RASAL2: variants seen among roughly 807,000 people sequenced by gnomAD.
RASAL2 encodes the protein RAS protein activator like 2.
A neutral mutation model predicts 128.9 loss-of-function variants in RASAL2; 58 were observed. That is an observed-to-expected ratio of 0.45 (90% CI 0.36 to 0.56). The LOEUF is 0.56. Ranked by LOEUF, RASAL2 falls within the 20% of genes least tolerant of loss-of-function variation. The pLI is 0.00. For synonymous variants in RASAL2, 561 were observed against 580.8 expected, an observed-to-expected ratio of 0.97 and a Z score of 0.49; for missense variants, 1,360 against 1,601.6, an observed-to-expected ratio of 0.85 and a Z score of 2.57.
chr1:178,356,715 T>C (rs989342005), intron 3 of RASAL2, among the ~76,000 whole-genome samples: 2 of 152,182 alleles, frequency 1.3e-5, no homozygotes, highest in South Asian at 4.1e-4. Context: ...AGTGGTTATC[T>C]ATAGGGTGAA....
At chr1:178,112,257 A>T (rs1234244896) in intron 1 of RASAL2, among the ~76,000 whole-genome samples, 1 of 152,136 alleles carries the variant, frequency 6.6e-6, no homozygotes, top group Non-Finnish European at 1.5e-5. Flanking sequence ...ATTTTATTTA[A>T]GAAATCATTG....
chr1:178,159,398 C>T (rs1661193281), intron 1 of RASAL2, among the ~76,000 whole-genome samples: 1 of 152,160 alleles, frequency 6.6e-6, no homozygotes. Flanking sequence ...GTAGACCTGA[C>T]ATATCTTATT....
intron 1 of RASAL2, among the ~76,000 whole-genome samples, chr1:178,180,636 A>AATTG (rs928856553): frequency 4.4e-5 from 6 of 135,836 alleles, no homozygotes; most frequent in Non-Finnish European, 7.9e-5. Context: ...CACTGCATTC[A>AATTG]AGCCTGGGTG....
chr1:178,162,884 G>T (rs1313115880), intron 1 of RASAL2, among the ~76,000 whole-genome samples: 1 of 151,336 alleles, frequency 6.6e-6, no homozygotes, highest in African/African-American at 2.4e-5. Flanking sequence ...GCCCAGCTGA[G>T]ATTTCTTTAT....
chr1:178,104,724 G>A (rs910977079), intron 1 of RASAL2, among the ~76,000 whole-genome samples: 1 of 152,044 alleles, frequency 6.6e-6, no homozygotes, highest in African/African-American at 2.4e-5. Context: ...ACGTTACTTA[G>A]CACATATTAA....
chr1:178,131,064 C>CAA (rs374904588), intron 1 of RASAL2, among the ~76,000 whole-genome samples: 2 of 132,806 alleles, frequency 1.5e-5, no homozygotes, highest in African/African-American at 5.6e-5. Context: ...CAAAAACAAA[C>CAA]AAAAAAAAAA....
chr1:178,196,394 A>G (rs1195066333), intron 1 of RASAL2, among the ~76,000 whole-genome samples: 1 of 152,184 alleles, frequency 6.6e-6, no homozygotes, highest in Non-Finnish European at 1.5e-5. Flanking sequence ...TAAGAGAGAA[A>G]GGCAAACCAA....
intron 1 of RASAL2, among the ~76,000 whole-genome samples, chr1:178,263,482 C>A (rs1199168139): frequency 6.6e-5 from 10 of 152,222 alleles, no homozygotes; most frequent in Non-Finnish European, 1.3e-4. Flanking sequence ...GGCAGTCTGA[C>A]TCCAAAGTCT....
chr1:178,144,072 C>T (rs1008668605), intron 1 of RASAL2, among the ~76,000 whole-genome samples: 24 of 152,030 alleles, frequency 1.6e-4, no homozygotes, highest in Non-Finnish European at 3.1e-4. Context: ...TTTCTATTTC[C>T]CTCTCTGTCT....
At chr1:178,150,752 A>G (rs1186852167) in intron 1 of RASAL2, among the ~76,000 whole-genome samples, 1 of 152,136 alleles carries the variant, frequency 6.6e-6, no homozygotes, top group African/African-American at 2.4e-5. Context: ...CCCCAAATCA[A>G]TACTTGTGTT....
rs113499382 is a variant in RASAL2, at chr1:178,288,644, T to C, written c.330+4953T>C. 5.5e-3 allele frequency among the ~76,000 whole-genome samples: 404 copies of C among 73,800 alleles called. 1 individual carries two copies. Among genetic ancestry groups the C allele is most frequent in the East Asian group, 0.036 (108 of 3,032 alleles). The allele number at this position is 73,800 out of a possible 152,430, so 48.4% of individuals were successfully genotyped here. On this transcript the variant is annotated intron_variant, in intron 2 of 17. Coordinates refer to ENST00000367649, the MANE Select transcript of RASAL2 (RefSeq NM_170692.4). The stretch of plus-strand genomic sequence containing the variant: ...TCAGCATGCTATTCTTTCTCTCTCT[T>C]TTTTTTTTTTTTTTTTTTTTTTTTG...
At chr1:178,379,756 CAGA>C (rs571973051) in intron 3 of RASAL2, among the ~76,000 whole-genome samples, 94 of 152,106 alleles carry the variant, frequency 6.2e-4, no homozygotes, top group African/African-American at 2.3e-3. Context: ...AAGTGTAGAA[CAGA>C]AGATGTTCTT....
intron 1 of RASAL2, among the ~76,000 whole-genome samples, chr1:178,223,301 T>C (rs1009769913): frequency 2.0e-5 from 3 of 152,116 alleles, no homozygotes; most frequent in Non-Finnish European, 4.4e-5. Flanking sequence ...GAGAGATGCA[T>C]TGGGCTGTAA....
chr1:178,244,045 G>A (rs746267968), intron 1 of RASAL2, among the ~76,000 whole-genome samples: 4 of 151,992 alleles, frequency 2.6e-5, no homozygotes, highest in Admixed American at 6.6e-5. Flanking sequence ...CTTTTCCAAC[G>A]TCACTTTCAT....
At chr1:178,382,599 A>ACATGGG (rs61572430) in intron 3 of RASAL2, among the ~76,000 whole-genome samples, 24,753 of 151,936 alleles carry the variant, frequency 0.16, 2,392 homozygotes, top group African/African-American at 0.27. Flanking sequence ...AGCTGTGCAA[A>ACATGGG]CATGGGCAGA....
At chr1:178,256,700 G>A (rs1204479321) in intron 1 of RASAL2, among the ~76,000 whole-genome samples, 1 of 152,190 alleles carries the variant, frequency 6.6e-6, no homozygotes, top group Non-Finnish European at 1.5e-5. Context: ...TTGAGACAGA[G>A]TCTTGCTCTG....
At chr1:178,472,984 T>G in intron 17 of RASAL2, 91 bp from the exon 18 acceptor site, 1 of 1,450,336 alleles carries the variant, frequency 6.9e-7, no homozygotes. Flanking sequence ...ATACAACTGT[T>G]TGAGAGAAAG....
rs559388713 is a variant in RASAL2, at chr1:178,142,414, A to G, written c.202+47720A>G. On this transcript the variant is annotated intron_variant, in intron 1 of 17. Transcript: ENST00000367649. ...CCTGTAATGTTTTAAGAACTTGTTG[A>G]TATTTGGCTAAGGAGGTGATGTCTG... is the stretch of plus-strand genomic sequence containing the variant. Among the ~76,000 whole-genome samples the G allele has an allele frequency of 5.3e-5, 8 of 152,148 alleles. 1 individual carries two copies. In the East Asian group the frequency reaches 1.6e-3, roughly 29 times the overall value.
At chr1:178,187,675 A>C (rs973077975) in intron 1 of RASAL2, among the ~76,000 whole-genome samples, 13 of 152,190 alleles carry the variant, frequency 8.5e-5, no homozygotes, top group African/African-American at 2.7e-4. Context: ...TCTTTCTTTA[A>C]TTATGACTGG....
Sources: allele counts gnomAD v4.1 joint callset (sites outside exome capture counted in the v4.1 genomes callset), GRCh38; gene constraint gnomAD v4.1.1; transcripts MANE v1.5; gene names NCBI Gene and HGNC (gene_info 2026-07-23, HGNC 2026-07-21).